The following MMP25 variants were observed in gnomAD, a reference collection of about 807,000 sequenced individuals.
MMP25 encodes matrix metalloproteinase-25.
A neutral mutation model predicts 62.1 loss-of-function variants in MMP25; 68 were observed. That is an observed-to-expected ratio of 1.10 (90% CI 0.90 to 1.34). The LOEUF (loss-of-function observed/expected upper bound fraction) is 1.34, where lower values mean the gene tolerates loss of function less well. MMP25 is among the 40% of genes most tolerant of loss of function. MMP25 has a pLI of 0.00. For missense variants in MMP25, 942 were observed against 792.5 expected (o/e 1.19, Z -2.26); for synonymous variants, 407 against 345.6 (o/e 1.18, Z -1.97).
chr16:3,050,590 T>A (rs369470256), intron 4 of MMP25, 44 bp downstream of exon 4: 2 of 1,486,804 alleles, frequency 1.3e-6, no homozygotes, highest in African/African-American at 2.8e-5. Context: ...CCAGGTCTGG[T>A]CTTAAGAATA....
chr16:3,057,400 TC>T lies in MMP25; in HGVS notation c.923+11del, dbSNP rs761616111. Reference sequence around the variant, plus strand: ...CCGGCCTCGCCCACACACAGGTGAGTCCCCCACCAACTCGGAGACCTTGGGT... The same window carrying T: ...CCGGCCTCGCCCACACACAGGTGAGTCCCCACCAACTCGGAGACCTTGGGT... On this transcript the variant is annotated splice_region_variant and intron_variant, in intron 6 of 9. Transcript: ENST00000336577. 1.9e-6 allele frequency: 3 copies of T among 1,609,702 alleles called. No homozygotes were observed. The East Asian group carries it at 6.7e-5, about 36-fold the overall frequency.
In MMP25 at chr16:3,057,313, A is replaced by C; in HGVS notation, c.842A>C (p.Lys281Thr). 6.2e-6 allele frequency: 10 copies of C among 1,613,970 alleles called. No homozygotes were observed. The highest frequency in any genetic ancestry group is 8.5e-6 in the Non-Finnish European group (10 of 1,179,934). The change falls in exon 6 of 10, where the codon AAG becomes ACG. Residue 281 changes from lysine to threonine, a missense_variant. Physicochemically the swap from Lys to Thr is moderately conservative, Grantham distance 78 (BLOSUM62 -1). Transcript: ENST00000336577. ...DRDGLQQLYG[K>T]APQTPYDKPT... ...CTGCCTGACTCTTTCCTCACAGGGAAGGCGCCCCAAACCCCATATGACAAG... is the reference window on the plus strand; with the variant it reads ...CTGCCTGACTCTTTCCTCACAGGGACGGCGCCCCAAACCCCATATGACAAG...
intron 4 of MMP25, chr16:3,054,691 TG>T (rs1955973171): frequency 7.0e-6 from 1 of 143,286 alleles, no homozygotes; most frequent in Admixed American, 7.0e-5. Context: ...GAGGTGGGGA[TG>T]GATGGACAGA....
Position 3,058,556 on chromosome 16 carries a change from A to G in MMP25, c.1304A>G (p.Gln435Arg). ...NGKTYLVRGR[Q>R]YWRYDEAAAR... ...AAGACCTACCTGGTCCGCGGCCGGC[A>G]GTACTGGCGCTACGACGAGGCGGCG... Residue 435 changes from glutamine (Q) to arginine (R), a missense_variant, in exon 9 of 10, where the codon CAG becomes CGG. By Grantham distance (43) the Gln-to-Arg change is conservative. Transcript: ENST00000336577. 1 of 1,610,864 alleles carries G rather than the reference A, an allele frequency of 6.2e-7. No homozygotes were observed. Among genetic ancestry groups the G allele is most frequent in the South Asian group, 1.1e-5 (1 of 90,908 alleles).
chr16:3,057,703 CT>C (rs1956038106), intron 7 of MMP25, 90 bp downstream of exon 7: 9 of 1,182,310 alleles, frequency 7.6e-6, no homozygotes, highest in Middle Eastern at 3.8e-4. Context: ...GGAAGCGGAA[CT>C]TTTTTCTTCT....
rs552848212 is a variant in MMP25 at position 3,049,971 on chromosome 16, T to C, written c.233-38T>C. The C allele has an allele frequency of 2.5e-6, 4 of 1,603,896 alleles. No individual in the cohort carries two copies. In the African/African-American group the frequency reaches 4.0e-5, roughly 16 times the overall value. On this transcript the variant is annotated intron_variant, in intron 2 of 9. Transcript: ENST00000336577. ...GCTATGATTAAGGCAGGCTCTCCTA[T>C]TGTGGACACACCCCCCACCGCCAAA...
chr16:3,057,240 T>C (rs201491653), intron 5 of MMP25, 31 bp downstream of exon 5: 42 of 1,613,792 alleles, frequency 2.6e-5, no homozygotes, highest in Non-Finnish European at 3.5e-5. Context: ...CGCGAAACCA[T>C]CATTGCCCCA....
chr16:3,057,230 C>G (rs766137694), intron 5 of MMP25, 21 bp downstream of exon 5: 2 of 1,613,456 alleles, frequency 1.2e-6, no homozygotes, highest in Non-Finnish European at 1.7e-6. Flanking sequence ...AGGGACCTGC[C>G]GCGAAACCAT....
At chr16:3,056,036 TC>T (rs1956002079) in intron 4 of MMP25, 1 of 427,524 alleles carries the variant, frequency 2.3e-6, no homozygotes, top group African/African-American at 2.1e-5. Context: ...AGCTCTGTGT[TC>T]CCAAGGAGAT....
intron 2 of MMP25, among the ~76,000 whole-genome samples, chr16:3,049,632 C>G (rs1955870319): frequency 1.3e-5 from 2 of 152,164 alleles, no homozygotes; most frequent in African/African-American, 2.4e-5. Flanking sequence ...GGTGTGAGGC[C>G]TGCACAGCTC....
intron 2 of MMP25, among the ~76,000 whole-genome samples, chr16:3,047,795 G>C (rs908988335): frequency 6.6e-6 from 1 of 151,828 alleles, no homozygotes; most frequent in East Asian, 1.9e-4. Flanking sequence ...AGGAGTTTGA[G>C]ACCAGCTTGG....
intron 4 of MMP25, chr16:3,052,655 G>C (rs1309198431): frequency 6.5e-6 from 1 of 153,436 alleles, no homozygotes. Context: ...TTGGAGGATG[G>C]CGTCCTGGTG....
chr16:3,046,612 C>T lies in MMP25; in HGVS notation c.-306C>T. On this transcript the variant is annotated 5_prime_UTR_variant, in exon 1 of 10. Transcript: ENST00000336577. ...AGGAGGGGCCGCTGGCGCAGCGCCC[C>T]GGGACCCCGAGAGGCCGCCGCGGCA... 1 of 259,752 alleles carries T rather than the reference C, an allele frequency of 3.8e-6. No homozygotes were observed. 16.1% of individuals were successfully genotyped at this position (259,752 alleles called of 1,614,324 possible).
chr16:3,055,782 G>A (rs778338262), intron 4 of MMP25: 7 of 453,692 alleles, frequency 1.5e-5, no homozygotes, highest in Non-Finnish European at 2.7e-5. Context: ...GGTAACTGGG[G>A]CCTCCCTGTG....
chr16:3,051,302 A>G (rs1474129941), intron 4 of MMP25: 1 of 152,072 alleles, frequency 6.6e-6, no homozygotes, highest in Non-Finnish European at 1.5e-5. Flanking sequence ...TAGCAAGTCC[A>G]AAATTTGTAC....
Position 3,047,650 on chromosome 16 carries a change from A to C in MMP25, c.232+103A>C. The C allele has an allele frequency of 2.2e-6, 3 of 1,350,928 alleles. No individual in the cohort carries two copies. In the South Asian group the frequency reaches 4.0e-5, roughly 18 times the overall value. 83.7% of individuals were successfully genotyped at this position (1,350,928 alleles called of 1,614,324 possible). A position where few individuals can be genotyped will look rare whatever the true frequency, so the allele number is the denominator to read the frequency against. ...GTGCTCCTGGAACACGGAGCTGTGAAGATGCTGATCTCAGGCCCCAAACCC... is the reference window on the plus strand; with the variant it reads ...GTGCTCCTGGAACACGGAGCTGTGACGATGCTGATCTCAGGCCCCAAACCC... On this transcript the variant is annotated intron_variant, in intron 2 of 9. Coordinates refer to ENST00000336577, the MANE Select transcript of MMP25 (RefSeq NM_022468.5).
At chr16:3,050,890 C>G (rs1297418297) in intron 4 of MMP25, among the ~76,000 whole-genome samples, 1 of 152,106 alleles carries the variant, frequency 6.6e-6, no homozygotes, top group Non-Finnish European at 1.5e-5. Context: ...CTCCTGGGCT[C>G]AAGTGATCCT....
chr16:3,052,551 G>A (rs2151156444), intron 4 of MMP25: 1 of 152,280 alleles, frequency 6.6e-6, no homozygotes, highest in Admixed American at 6.6e-5. Flanking sequence ...CTGGGGAAGG[G>A]GGCAGTGGAC....
intron 2 of MMP25, among the ~76,000 whole-genome samples, chr16:3,048,622 AAGTGCAAAGACCCCACG>A (rs1222451403): frequency 6.6e-6 from 1 of 152,072 alleles, no homozygotes; most frequent in East Asian, 1.9e-4. Context: ...TGTCCCGGGC[AAGTGCAAAGACCCCACG>A]GCACGCAGAA....
Sources: allele counts gnomAD v4.1 joint callset (sites outside exome capture counted in the v4.1 genomes callset), GRCh38; gene constraint gnomAD v4.1.1; transcripts MANE v1.5; gene names NCBI Gene and HGNC (gene_info 2026-07-23, HGNC 2026-07-21).